The following ROR2 variants were observed in gnomAD, a reference collection of about 807,000 sequenced individuals.
The protein encoded by ROR2 is tyrosine-protein kinase transmembrane receptor ROR2.
In ROR2, 33 loss-of-function variants were observed where a neutral mutation model predicts 74.9. The ratio of observed to expected loss-of-function variants is 0.44; its 90% CI spans 0.33 to 0.59. ROR2 has a LOEUF of 0.59. Among genes scored for constraint, ROR2 ranks in the 20% least tolerant of loss-of-function variants. The pLI is 0.02. For missense variants in ROR2, 1,216 were observed against 1,313.8 expected (o/e 0.93, Z 1.15); for synonymous variants, 586 against 558.7 (o/e 1.05, Z -0.69).
At chr9:91,914,466 G>C (rs578104185) in intron 1 of ROR2, among the ~76,000 whole-genome samples, 1 of 152,112 alleles carries the variant, frequency 6.6e-6, no homozygotes, top group South Asian at 2.1e-4. Context: ...AGAGAGCTGC[G>C]GGGAGGTGGT....
chr9:91,812,589 G>C (rs1046847949), intron 1 of ROR2, among the ~76,000 whole-genome samples: 2 of 151,694 alleles, frequency 1.3e-5, no homozygotes, highest in Non-Finnish European at 2.9e-5. Context: ...CGTGTGTGTG[G>C]CCTGTCGCAC....
intron 1 of ROR2, among the ~76,000 whole-genome samples, chr9:91,924,316 AAGGG>A (rs1831343128): frequency 2.6e-5 from 4 of 152,228 alleles, no homozygotes; most frequent in Admixed American, 1.3e-4. Context: ...GGAGAGAGGC[AAGGG>A]GAGGACTGGA....
chr9:91,934,343 G>C (rs1170855355), intron 1 of ROR2, among the ~76,000 whole-genome samples: 1 of 151,804 alleles, frequency 6.6e-6, no homozygotes, highest in African/African-American at 2.4e-5. Flanking sequence ...GGGCCACTTA[G>C]AGATATCTGC....
At chr9:91,727,581 T>C (rs996975267) in intron 7 of ROR2, among the ~76,000 whole-genome samples, 5 of 152,082 alleles carry the variant, frequency 3.3e-5, no homozygotes, top group African/African-American at 7.2e-5. Flanking sequence ...GTCAAAGCAA[T>C]TGAATGTAAG....
At chr9:91,885,840 G>C (rs1005687955) in intron 1 of ROR2, among the ~76,000 whole-genome samples, 7 of 149,412 alleles carry the variant, frequency 4.7e-5, no homozygotes, top group Middle Eastern at 3.5e-3. Context: ...ATATTAGGAA[G>C]TGCCTTTTTA....
chr9:91,875,276 A>C (rs139748432), intron 1 of ROR2, among the ~76,000 whole-genome samples: 119 of 152,358 alleles, frequency 7.8e-4, no homozygotes, highest in African/African-American at 2.8e-3. Flanking sequence ...AATTTGACTA[A>C]ATCAAAAGTA....
intron 1 of ROR2, among the ~76,000 whole-genome samples, chr9:91,860,766 A>G (rs914663134): frequency 6.6e-6 from 1 of 152,112 alleles, no homozygotes; most frequent in Non-Finnish European, 1.5e-5. Context: ...TGCCACTCAC[A>G]TTGAGGGCAG....
intron 1 of ROR2, among the ~76,000 whole-genome samples, chr9:91,778,513 C>T (rs940349316): frequency 6.6e-6 from 1 of 152,216 alleles, no homozygotes; most frequent in East Asian, 1.9e-4. Flanking sequence ...TCCCTGTCCT[C>T]GTTAGTTGCC....
intron 1 of ROR2, among the ~76,000 whole-genome samples, chr9:91,816,556 G>A (rs73651558): frequency 9.8e-4 from 149 of 152,146 alleles, no homozygotes; most frequent in African/African-American, 3.4e-3. Context: ...TCTCCTTGCA[G>A]AAGCCACCTC....
intron 2 of ROR2, among the ~76,000 whole-genome samples, chr9:91,760,402 A>G (rs190673059): frequency 6.6e-6 from 1 of 152,126 alleles, no homozygotes; most frequent in African/African-American, 2.4e-5. Flanking sequence ...GGGAGGCCGA[A>G]GCGAGTGGAT....
chr9:91,949,874 C>T lies in ROR2; in HGVS notation c.90G>A (p.Arg30=). Residue 30 remains arginine (R), a synonymous_variant, in exon 1 of 9, where the codon CGG becomes CGA. Coordinates refer to ENST00000375708, the MANE Select transcript of ROR2 (RefSeq NM_004560.4). The stretch of plus-strand genomic sequence containing the variant: ...CGGAACGCCAGATCCTACCTGAAGT[C>T]CGGGACACTGAGAGCAGAAGCGCGG... The part of the protein sequence containing the change: ...AAAALLLSVS[R]TSGEVEVLDP... 1.9e-6 allele frequency: 3 copies of T among 1,539,334 alleles called. No homozygotes were observed. Among genetic ancestry groups the T allele is most frequent in the Non-Finnish European group, 2.6e-6 (3 of 1,139,108 alleles).
chr9:91,885,047 C>G (rs1168031160), intron 1 of ROR2, among the ~76,000 whole-genome samples: 1 of 152,134 alleles, frequency 6.6e-6, no homozygotes, highest in Non-Finnish European at 1.5e-5. Flanking sequence ...GTGTGGCTCA[C>G]GAACCCCACC....
At chr9:91,840,142 G>A (rs570591834) in intron 1 of ROR2, among the ~76,000 whole-genome samples, 2 of 152,166 alleles carry the variant, frequency 1.3e-5, no homozygotes, top group Non-Finnish European at 2.9e-5. Context: ...CCGAGGCCCC[G>A]CTGTCCTGGG....
chr9:91,828,769 A>G (rs2119175780), intron 1 of ROR2, among the ~76,000 whole-genome samples: 1 of 152,344 alleles, frequency 6.6e-6, no homozygotes, highest in South Asian at 2.1e-4. Context: ...TGCATCTTCT[A>G]CAATCCATTA....
intron 1 of ROR2, among the ~76,000 whole-genome samples, chr9:91,846,561 A>C (rs7859331): frequency 0.4 from 60,688 of 152,066 alleles, 14,161 homozygotes; most frequent in African/African-American, 0.63. Flanking sequence ...TGGAGCCTAC[A>C]GAGCAGACTT....
chr9:91,949,373 C>A (rs1564058084), intron 1 of ROR2, among the ~76,000 whole-genome samples: 1 of 151,516 alleles, frequency 6.6e-6, no homozygotes, highest in Non-Finnish European at 1.5e-5. Flanking sequence ...TCCGGGGCCA[C>A]GTCCACCCCA....
At chr9:91,735,381 A>G (rs570651384) in intron 5 of ROR2, among the ~76,000 whole-genome samples, 2 of 152,320 alleles carry the variant, frequency 1.3e-5, no homozygotes, top group Non-Finnish European at 2.9e-5. Context: ...TCTTCATTCT[A>G]AACTCTTCTC....
intron 1 of ROR2, among the ~76,000 whole-genome samples, chr9:91,844,053 G>C (rs982078907): frequency 6.6e-6 from 1 of 152,206 alleles, no homozygotes; most frequent in Non-Finnish European, 1.5e-5. Flanking sequence ...CCCTGCAGCG[G>C]GGCGGATGAA....
At chr9:91,836,048 G>A (rs559720614) in intron 1 of ROR2, among the ~76,000 whole-genome samples, 7 of 152,158 alleles carry the variant, frequency 4.6e-5, no homozygotes, top group South Asian at 2.1e-4. Context: ...GCATTCCCCC[G>A]CTAAACAACA....
Sources: allele counts gnomAD v4.1 joint callset (sites outside exome capture counted in the v4.1 genomes callset), GRCh38; gene constraint gnomAD v4.1.1; transcripts MANE v1.5; gene names NCBI Gene and HGNC (gene_info 2026-07-23, HGNC 2026-07-21).